The following EMCN variants were observed in gnomAD, a reference collection of about 807,000 sequenced individuals.
EMCN encodes endomucin.
A neutral mutation model predicts 38.4 loss-of-function variants in EMCN; 37 were observed. That is an observed-to-expected ratio of 0.96 (90% CI 0.74 to 1.27). EMCN has a LOEUF of 1.27. Among genes scored for constraint, EMCN ranks in the 50% most tolerant of loss-of-function variants. The pLI, the probability that EMCN is intolerant of heterozygous loss-of-function variation, is 0.00. For missense variants in EMCN, 318 were observed against 302.8 expected, an observed-to-expected ratio of 1.05 and a Z score of -0.37; for synonymous variants, 95 against 100.8, an observed-to-expected ratio of 0.94 and a Z score of 0.35.
chr4:100,485,840 T>C (rs879295464), intron 1 of EMCN, among the ~76,000 whole-genome samples: 1 of 151,994 alleles, frequency 6.6e-6, no homozygotes, highest in Admixed American at 6.6e-5. Context: ...AAGAAAAAAA[T>C]TATTATGTGA....
At chr4:100,503,865 C>T (rs973792599) in intron 1 of EMCN, among the ~76,000 whole-genome samples, 88 of 152,104 alleles carry the variant, frequency 5.8e-4, no homozygotes, top group Non-Finnish European at 1.0e-3. Flanking sequence ...AATACACATT[C>T]AGATCTTTAG....
chr4:100,473,394 T>TTTTTTTTTTTTTTTTTTTTTTTTTTTTTC, intron 3 of EMCN, among the ~76,000 whole-genome samples: 1 of 142,848 alleles, frequency 7.0e-6, no homozygotes, highest in Non-Finnish European at 1.5e-5. Flanking sequence ...TTGTTTTTTT[T>TTTTTTTTTTTTTTTTTTTTTTTTTTTTTC]TTTGCTAATG....
chr4:100,399,579 G>A (rs144599358), intron 11 of EMCN, among the ~76,000 whole-genome samples: 35 of 152,228 alleles, frequency 2.3e-4, no homozygotes, highest in Non-Finnish European at 4.0e-4. Context: ...TCTTCCCAGA[G>A]CATCTGTGGC....
At chr4:100,510,102 T>G (rs1501095) in intron 1 of EMCN, among the ~76,000 whole-genome samples, 60,718 of 152,002 alleles carry the variant, frequency 0.4, 12,825 homozygotes, top group East Asian at 0.71. Context: ...TTCACATTAA[T>G]ACCGTGTTTC....
chr4:100,475,641 C>T (rs186358004), intron 2 of EMCN, among the ~76,000 whole-genome samples: 130 of 136,928 alleles, frequency 9.5e-4, no homozygotes, highest in African/African-American at 3.5e-3. Flanking sequence ...CTCTTGAGGG[C>T]AGTATCCAAT....
chr4:100,454,808 C>T (rs891965059), intron 4 of EMCN, among the ~76,000 whole-genome samples: 1 of 151,988 alleles, frequency 6.6e-6, no homozygotes, highest in African/African-American at 2.4e-5. Context: ...TCTCTTTATC[C>T]CCGATAAAAC....
At chr4:100,447,846 A>G (rs1202029598) in intron 4 of EMCN, among the ~76,000 whole-genome samples, 3 of 152,104 alleles carry the variant, frequency 2.0e-5, no homozygotes, top group Non-Finnish European at 4.4e-5. Flanking sequence ...TCTGCCTTAC[A>G]CAGAGAAAGC....
At chr4:100,415,086 A>G (rs906548034) in intron 10 of EMCN, among the ~76,000 whole-genome samples, 1 of 152,080 alleles carries the variant, frequency 6.6e-6, no homozygotes, top group African/African-American at 2.4e-5. Context: ...CAGTAGTGAC[A>G]GAGTTTCACC....
At chr4:100,405,849 T>A (rs1726377685) in intron 11 of EMCN, among the ~76,000 whole-genome samples, 1 of 152,060 alleles carries the variant, frequency 6.6e-6, no homozygotes, top group African/African-American at 2.4e-5. Flanking sequence ...ATCTGTCTGG[T>A]CCAGGGCTTT....
At chr4:100,414,724 C>G (rs974217400) in intron 10 of EMCN, among the ~76,000 whole-genome samples, 1 of 152,060 alleles carries the variant, frequency 6.6e-6, no homozygotes, top group Non-Finnish European at 1.5e-5. Flanking sequence ...ATTGAGAACA[C>G]TTTCAGCCTT....
intron 7 of EMCN, 119 bp from the exon 8 acceptor site, chr4:100,421,496 A>G (rs1027223411): frequency 3.9e-6 from 3 of 772,326 alleles, no homozygotes; most frequent in African/African-American, 3.5e-5. Context: ...TCTATTAAAA[A>G]CATATTTTAG....
At chr4:100,434,050 A>G (rs997738071) in intron 5 of EMCN, among the ~76,000 whole-genome samples, 4 of 152,162 alleles carry the variant, frequency 2.6e-5, no homozygotes, top group Non-Finnish European at 4.4e-5. Context: ...GGAGATACAG[A>G]ACGAAAAAAC....
intron 5 of EMCN, among the ~76,000 whole-genome samples, chr4:100,437,188 C>G (rs950062090): frequency 1.3e-5 from 2 of 152,154 alleles, no homozygotes; most frequent in African/African-American, 4.8e-5. Context: ...ATGATGTTGA[C>G]CACATTTGCA....
At chr4:100,488,595 A>C (rs190234878) in intron 1 of EMCN, among the ~76,000 whole-genome samples, 60 of 152,334 alleles carry the variant, frequency 3.9e-4, no homozygotes, top group African/African-American at 1.4e-3. Flanking sequence ...AACAGAGCCC[A>C]TATTCAATAC....
intron 1 of EMCN, among the ~76,000 whole-genome samples, chr4:100,492,657 C>T (rs1214194971): frequency 1.3e-5 from 2 of 152,018 alleles, no homozygotes; most frequent in East Asian, 3.9e-4. Flanking sequence ...CAGAAAGCAA[C>T]AATAGATAAA....
At chr4:100,482,244 G>T (rs909534837) in intron 1 of EMCN, among the ~76,000 whole-genome samples, 2 of 152,022 alleles carry the variant, frequency 1.3e-5, no homozygotes, top group African/African-American at 4.8e-5. Flanking sequence ...AACAATATGA[G>T]AGTGGTATTG....
intron 2 of EMCN, among the ~76,000 whole-genome samples, chr4:100,478,751 A>G (rs979809075): frequency 6.6e-6 from 1 of 152,208 alleles, no homozygotes; most frequent in African/African-American, 2.4e-5. Context: ...TTATAATTGT[A>G]TATGAATAAT....
At chr4:100,509,916 T>C (rs1385559039) in intron 1 of EMCN, among the ~76,000 whole-genome samples, 2 of 56,262 alleles carry the variant, frequency 3.6e-5, no homozygotes, top group Non-Finnish European at 6.4e-5. Context: ...GCTAATGTTT[T>C]AGTAATTTAT....
In EMCN at chr4:100,398,079, T is replaced by C. The variant is rs1281471539; in HGVS notation, c.*334A>G. 2.6e-5 allele frequency: 4 copies of C among 151,968 alleles called. No homozygotes were observed. The East Asian group carries it at 7.8e-4, about 29-fold the overall frequency. 9.4% of individuals were successfully genotyped at this position (151,968 alleles called of 1,614,324 possible). ...AAACTTTAAACATTAAGGAAAGTCA[T>C]GCCTATCAGCGAGCCCACCTCCTGG... is the stretch of plus-strand genomic sequence containing the variant. On this transcript the variant is annotated 3_prime_UTR_variant, in exon 12 of 12. Transcript: ENST00000296420.
Sources: allele counts gnomAD v4.1 joint callset (sites outside exome capture counted in the v4.1 genomes callset), GRCh38; gene constraint gnomAD v4.1.1; transcripts MANE v1.5; gene names NCBI Gene and HGNC (gene_info 2026-07-23, HGNC 2026-07-21).